The following ATP6V1B1 variants were observed in gnomAD, a reference collection of about 807,000 sequenced individuals.
ATP6V1B1 encodes V-type proton ATPase subunit B, kidney isoform.
A neutral mutation model predicts 62.1 loss-of-function variants in ATP6V1B1; 41 were observed. The ratio of observed to expected loss-of-function variants is 0.66; its 90% confidence interval spans 0.51 to 0.86. ATP6V1B1 has a LOEUF of 0.86. Ranked by LOEUF, ATP6V1B1 falls within the 40% of genes least tolerant of loss-of-function variation. ATP6V1B1 has a pLI of 0.00. For missense variants in ATP6V1B1, 651 were observed against 697.5 expected, an observed-to-expected ratio of 0.93 and a Z score of 0.75; for synonymous variants, 253 against 273.4, an observed-to-expected ratio of 0.93 and a Z score of 0.74.
intron 8 of ATP6V1B1, among the ~76,000 whole-genome samples, chr2:70,962,486 C>T (rs1404558928): frequency 6.6e-6 from 1 of 152,172 alleles, no homozygotes; most frequent in Non-Finnish European, 1.5e-5. Context: ...CCACTCTCAT[C>T]TTCATCAGGC....
At chr2:70,958,935 CTGG>C (rs1413589099) in intron 4 of ATP6V1B1, 80 bp from the exon 5 acceptor site, 33 of 1,361,170 alleles carry the variant, frequency 2.4e-5, no homozygotes, top group South Asian at 8.5e-5. Context: ...TGGGTGGGAG[CTGG>C]TGGTGGTGTG....
At chr2:70,946,966 C>A (rs148653024) in intron 2 of ATP6V1B1, among the ~76,000 whole-genome samples, 2 of 152,214 alleles carry the variant, frequency 1.3e-5, no homozygotes. Context: ...CATCCCTCTC[C>A]GTTGCCCCTA....
chr2:70,941,804 G>C, intron 1 of ATP6V1B1: 16 of 985,756 alleles, frequency 1.6e-5, no homozygotes, highest in Non-Finnish European at 1.8e-5. Flanking sequence ...AGCACCCAAA[G>C]GTCTGAGAGC....
In ATP6V1B1 at chr2:70,941,106, C is replaced by CGA. The variant is rs149298123; in HGVS notation, c.119-2550_119-2549dup. 4.4e-3 allele frequency: 1,991 copies of CGA among 450,362 alleles called. 37 individuals carry two copies. The highest frequency in any genetic ancestry group is 0.04 in the African/African-American group (1,867 of 46,802). The allele number at this position is 450,362 out of a possible 1,614,324, so 27.9% of individuals were successfully genotyped here. On this transcript the variant is annotated intron_variant, in intron 1 of 13. Transcript: ENST00000234396. ...TAATTTTTAAATTTTTCTGTAGAGA[C>CGA]GAGGCTTCACCATATTGCCCAGGCT...
At chr2:70,943,341 T>G (rs1572907851) in intron 1 of ATP6V1B1, 1 of 543,844 alleles carries the variant, frequency 1.8e-6, no homozygotes, top group Non-Finnish European at 3.3e-6. Flanking sequence ...GTGGGTGAGG[T>G]GGGGGTTGAA....
Position 70,963,514 on chromosome 2 carries a change from C to G in ATP6V1B1, c.1061-58C>G. The G allele has an allele frequency of 6.3e-7, 1 of 1,578,788 alleles. No individual in the cohort carries two copies. The highest frequency in any genetic ancestry group is 8.7e-7 in the Non-Finnish European group (1 of 1,148,262). On this transcript the variant is annotated intron_variant, in intron 10 of 13. Transcript: ENST00000234396. This position sits in a 1 kb window ranked among gnomAD's most constrained non-coding sequence, Gnocchi z 4.3. The stretch of plus-strand genomic sequence containing the variant: ...TGAGGGAAACAGACCCCAGGTGGCC[C>G]TGAGTGGTTGGAGACCTGGGCCCCC...
At position 70,963,485 on chromosome 2, in the gene ATP6V1B1, C is replaced by A; in HGVS notation, c.1061-87C>A. Reference sequence around the variant, plus strand: ...ATGCCCCCCACACATCCCTATCACTCCCATGAGGGAAACAGACCCCAGGTG... The same window carrying A: ...ATGCCCCCCACACATCCCTATCACTACCATGAGGGAAACAGACCCCAGGTG... On this transcript the variant is annotated intron_variant, in intron 10 of 13. Coordinates refer to ENST00000234396, the MANE Select transcript of ATP6V1B1 (RefSeq NM_001692.4). This position sits in a 1 kb window ranked among gnomAD's most constrained non-coding sequence, Gnocchi z 4.3. 6.5e-7 allele frequency: 1 copy of A among 1,537,294 alleles called. No homozygotes were observed. The highest frequency in any genetic ancestry group is 9.0e-7 in the Non-Finnish European group (1 of 1,112,674).
intron 2 of ATP6V1B1, chr2:70,944,341 G>A (rs1470305196): frequency 1.3e-6 from 1 of 747,202 alleles, no homozygotes; most frequent in Admixed American, 3.3e-5. Flanking sequence ...GAATTCTTGA[G>A]CCATAAAGAG....
rs1320796435 is a variant in ATP6V1B1 at position 70,942,086 on chromosome 2, CAGAGAGAGAG to C, written c.119-1571_119-1562del. 3.6e-6 allele frequency: 4 copies of C among 1,114,170 alleles called. No individual in the cohort carries two copies. In the African/African-American group the frequency reaches 6.5e-5, roughly 18 times the overall value. The allele number at this position is 1,114,170 out of a possible 1,614,324, so 69.0% of individuals were successfully genotyped here. On this transcript the variant is annotated intron_variant, in intron 1 of 13. Coordinates refer to ENST00000234396, the MANE Select transcript of ATP6V1B1 (RefSeq NM_001692.4). ...GGAAGACAAGAGAGGGAGAGAGAGA[CAGAGAGAGAG>C]GCAAGGAGGCTCTGGTCCTTCACCC...
rs1045132687 is a variant in ATP6V1B1 at position 70,935,999 on chromosome 2, T to C, written c.45T>C (p.Ser15=). ...GCAGGCCTGGGGGGCTCCCCGGCAG[T>C]AGCTGCAACCTAGGTGCAGCCCGAG... ...IDSRPGGLPG[S]SCNLGAAREH... The change falls in exon 1 of 14, where the codon AGT becomes AGC. Residue 15 remains serine (S), a synonymous_variant. Coordinates refer to ENST00000234396, the MANE Select transcript of ATP6V1B1 (RefSeq NM_001692.4). 20 of 1,613,800 alleles carry C rather than the reference T, an allele frequency of 1.2e-5. No individual in the cohort carries two copies. Among genetic ancestry groups the C allele is most frequent in the Non-Finnish European group, 1.6e-5 (19 of 1,179,930 alleles).
intron 1 of ATP6V1B1, chr2:70,942,330 G>T (rs1301411228): frequency 2.5e-6 from 1 of 398,634 alleles, no homozygotes; most frequent in African/African-American, 2.1e-5. Context: ...TTCTCTGGCT[G>T]TCCTCAAGGC....
rs147972671 is a variant in ATP6V1B1 at position 70,950,767 on chromosome 2, A to T, written c.174+7054A>T. Among the ~76,000 whole-genome samples, 82 of 152,212 alleles carry T rather than the reference A, an allele frequency of 5.4e-4. 2 individuals carry two copies. The East Asian group carries it at 9.3e-3, about 17-fold the overall frequency. ...GAATTATGTCTCTTTTTCCGTCAGT[A>T]TACTTTTACTTTACTTTTTATTTTG... On this transcript the variant is annotated intron_variant, in intron 2 of 13. Transcript: ENST00000234396.
chr2:70,949,343 C>T (rs1187132335), intron 2 of ATP6V1B1, among the ~76,000 whole-genome samples: 2 of 152,220 alleles, frequency 1.3e-5, no homozygotes, highest in African/African-American at 2.4e-5. Flanking sequence ...TATTGACAGA[C>T]ATTCGTATGT....
Position 70,965,172 on chromosome 2 carries a change from C to A in ATP6V1B1, c.*51C>A. The stretch of plus-strand genomic sequence containing the variant: ...CCGGCAGGGAACCTACCCTCGGCTC[C>A]CGGGTCTCCCCTCCCTCGCCACCCC... On this transcript the variant is annotated 3_prime_UTR_variant, in exon 14 of 14. Transcript: ENST00000234396. 2 of 1,594,078 alleles carry A rather than the reference C, an allele frequency of 1.3e-6. No individual in the cohort carries two copies. Among genetic ancestry groups the A allele is most frequent in the East Asian group, 2.2e-5 (1 of 44,748 alleles).
rs199613142 is a variant in ATP6V1B1 at position 70,963,136 on chromosome 2, T to C, written c.910-26T>C. ...AGCTTCAGCCTCTCATCCCCTTTCT[T>C]ACCCCAGTGCCCATGGATATTGCAG... On this transcript the variant is annotated intron_variant, in intron 9 of 13. Coordinates refer to ENST00000234396, the MANE Select transcript of ATP6V1B1 (RefSeq NM_001692.4). The surrounding 1 kb of genome is among the most constrained non-coding windows in gnomAD (Gnocchi z 4.3). The C allele has an allele frequency of 1.2e-6, 2 of 1,613,942 alleles. No homozygotes were observed. Among genetic ancestry groups the C allele is most frequent in the East Asian group, 2.2e-5 (1 of 44,850 alleles).
intron 1 of ATP6V1B1, among the ~76,000 whole-genome samples, chr2:70,936,509 G>A (rs535634704): frequency 6.6e-6 from 1 of 152,144 alleles, no homozygotes; most frequent in South Asian, 2.1e-4. Flanking sequence ...CAGAGTGTCA[G>A]CGCTCTCAGC....
chr2:70,958,430 AG>A lies in ATP6V1B1; in HGVS notation c.367+7del, dbSNP rs1680496975. The A allele has an allele frequency of 1.6e-6, 2 of 1,217,768 alleles. No individual in the cohort carries two copies. The highest frequency in any genetic ancestry group is 2.3e-6 in the Non-Finnish European group (2 of 858,328). 75.4% of individuals were successfully genotyped at this position (1,217,768 alleles called of 1,614,324 possible). A position where few individuals can be genotyped will look rare whatever the true frequency, so the allele number is the denominator to read the frequency against. ...CCGGTGTCAGAGGACATGCTGGGTG[AG>A]GGACAGGGAGGGGCAGGGGTGGGGG... On this transcript the variant is annotated splice_donor_5th_base_variant and intron_variant, in intron 4 of 13. Transcript: ENST00000234396.
At chr2:70,957,285 A>C (rs1159421106) in intron 2 of ATP6V1B1, among the ~76,000 whole-genome samples, 1 of 151,414 alleles carries the variant, frequency 6.6e-6, no homozygotes, top group African/African-American at 2.4e-5. Flanking sequence ...TTTTCAGTAG[A>C]AACGGGGTTT....
rs199499359 is a variant in ATP6V1B1, at chr2:70,944,483, C to T, written c.174+770C>T. On this transcript the variant is annotated intron_variant, in intron 2 of 13. Transcript: ENST00000234396. ...CCCCTTTGACCCCTCTTGTCCCAGA[C>T]CCCACACCTGCCAGCGCCCATGTCT... 6.3e-4 allele frequency among the ~76,000 whole-genome samples: 96 copies of T among 151,880 alleles called. No individual in the cohort carries two copies. In the East Asian group the frequency reaches 0.016, roughly 25 times the overall value.
Sources: allele counts gnomAD v4.1 joint callset (sites outside exome capture counted in the v4.1 genomes callset), GRCh38; gene constraint gnomAD v4.1.1; non-coding constraint Gnocchi (gnomAD v3.1); transcripts MANE v1.5; gene names NCBI Gene and HGNC (gene_info 2026-07-23, HGNC 2026-07-21).